The following CCDC85A variants were observed in gnomAD, a reference collection of about 807,000 sequenced individuals.
CCDC85A encodes the protein coiled-coil domain containing 85A.
CCDC85A carries 38 observed loss-of-function variants against 50.2 expected under a neutral mutation model. The observed-to-expected ratio is 0.76, with a 90% confidence interval of 0.58 to 0.99. CCDC85A has a LOEUF of 0.99. CCDC85A is among the 50% of genes least tolerant of loss of function. CCDC85A has a pLI of 0.00. For synonymous variants in CCDC85A, 366 were observed against 301.4 expected (o/e 1.21, Z -2.22); for missense variants, 820 against 742.0 (o/e 1.11, Z -1.22).
chr2:56,351,860 G>T (rs1437866125), intron 3 of CCDC85A, among the ~76,000 whole-genome samples: 2 of 152,090 alleles, frequency 1.3e-5, no homozygotes, highest in Non-Finnish European at 1.5e-5. Context: ...AGTTTAATTC[G>T]ATCCCATTTG....
chr2:56,262,999 A>C (rs780213931), intron 2 of CCDC85A, among the ~76,000 whole-genome samples: 1 of 152,188 alleles, frequency 6.6e-6, no homozygotes, highest in Non-Finnish European at 1.5e-5. Flanking sequence ...CACTTAAAGC[A>C]TTGATTAACA....
intron 2 of CCDC85A, among the ~76,000 whole-genome samples, chr2:56,226,355 C>G (rs1279344211): frequency 1.3e-5 from 2 of 152,124 alleles, no homozygotes; most frequent in East Asian, 3.9e-4. Flanking sequence ...AGTACAGTGC[C>G]TGGATCATAG....
chr2:56,329,520 C>T (rs1331263217), intron 2 of CCDC85A, among the ~76,000 whole-genome samples: 1 of 152,166 alleles, frequency 6.6e-6, no homozygotes, highest in Non-Finnish European at 1.5e-5. Context: ...AAAGTATGTG[C>T]TAATTTAGAT....
At chr2:56,310,264 G>T (rs949360773) in intron 2 of CCDC85A, among the ~76,000 whole-genome samples, 25 of 152,146 alleles carry the variant, frequency 1.6e-4, no homozygotes, top group African/African-American at 5.8e-4. Context: ...TGACAAGGGA[G>T]AAGTCTAGGT....
At chr2:56,219,736 A>C (rs774696406) in intron 2 of CCDC85A, among the ~76,000 whole-genome samples, 3 of 151,794 alleles carry the variant, frequency 2.0e-5, no homozygotes, top group Non-Finnish European at 4.4e-5. Context: ...TCTTAACTTC[A>C]CTTTGTCCCC....
intron 2 of CCDC85A, among the ~76,000 whole-genome samples, chr2:56,252,157 C>T (rs1455581622): frequency 6.6e-6 from 1 of 151,958 alleles, no homozygotes; most frequent in East Asian, 1.9e-4. Context: ...AGCGATTCTC[C>T]TGCCTCAGCC....
At position 56,221,832 on chromosome 2, in the gene CCDC85A, C is replaced by T. The variant is rs184598916; in HGVS notation, c.1240+28392C>T. On this transcript the variant is annotated intron_variant, in intron 2 of 5. Coordinates refer to ENST00000407595, the MANE Select transcript of CCDC85A (RefSeq NM_001080433.2). ...ACATGTGTTATCTTGTTTTCTGCTG[C>T]TATAATAGAATACCACAACAAAAAT... Among the ~76,000 whole-genome samples the T allele has an allele frequency of 1.1e-3, 173 of 152,100 alleles. 1 individual carries two copies. The highest frequency in any genetic ancestry group is 3.2e-4 in the Non-Finnish European group (22 of 67,974).
At chr2:56,310,333 A>G (rs886800179) in intron 2 of CCDC85A, among the ~76,000 whole-genome samples, 1 of 152,172 alleles carries the variant, frequency 6.6e-6, no homozygotes, top group African/African-American at 2.4e-5. Context: ...AGCTTAGGAT[A>G]CTGAGGAGGT....
At chr2:56,255,739 A>G (rs958815084) in intron 2 of CCDC85A, among the ~76,000 whole-genome samples, 1 of 152,086 alleles carries the variant, frequency 6.6e-6, no homozygotes, top group African/African-American at 2.4e-5. Flanking sequence ...TCTTAAAGTC[A>G]TGGGTTGGGG....
intron 2 of CCDC85A, among the ~76,000 whole-genome samples, chr2:56,283,514 C>A (rs781699269): frequency 5.3e-5 from 8 of 152,092 alleles, no homozygotes; most frequent in Non-Finnish European, 4.4e-5. Flanking sequence ...CTATTACTTT[C>A]ACCAGATTTG....
intron 3 of CCDC85A, among the ~76,000 whole-genome samples, chr2:56,367,985 A>AAAGTCATGCAGCTCAT (rs1553418706): frequency 1.6e-5 from 1 of 63,214 alleles, no homozygotes; most frequent in South Asian, 6.7e-4. Context: ...CATGCAGCTC[A>AAAGTCATGCAGCTCAT]TAAGTGTCAG....
intron 2 of CCDC85A, among the ~76,000 whole-genome samples, chr2:56,307,526 A>G (rs1672498797): frequency 6.6e-6 from 1 of 152,200 alleles, no homozygotes; most frequent in Admixed American, 6.6e-5. Context: ...ACACTGACAC[A>G]TGAAAACGGG....
intron 2 of CCDC85A, among the ~76,000 whole-genome samples, chr2:56,252,421 G>T (rs1477902467): frequency 2.0e-5 from 3 of 152,184 alleles, no homozygotes; most frequent in Non-Finnish European, 2.9e-5. Flanking sequence ...GCCTGCTTCT[G>T]TGGAGCTTAG....
At chr2:56,331,967 G>T (rs1327605225) in intron 2 of CCDC85A, among the ~76,000 whole-genome samples, 1 of 152,088 alleles carries the variant, frequency 6.6e-6, no homozygotes, top group South Asian at 2.1e-4. Flanking sequence ...CTGCTCTCTG[G>T]CGGTGCAGAG....
chr2:56,227,154 C>A (rs986756905), intron 2 of CCDC85A, among the ~76,000 whole-genome samples: 1 of 152,090 alleles, frequency 6.6e-6, no homozygotes, highest in Non-Finnish European at 1.5e-5. Context: ...CTTGTTGTTT[C>A]TAGTGTAAAA....
intron 3 of CCDC85A, among the ~76,000 whole-genome samples, chr2:56,361,436 A>C (rs891568592): frequency 6.6e-6 from 1 of 152,198 alleles, no homozygotes; most frequent in Non-Finnish European, 1.5e-5. Flanking sequence ...TGCAGCTTAC[A>C]TTTTAGTAGC....
intron 2 of CCDC85A, among the ~76,000 whole-genome samples, chr2:56,294,869 G>C (rs1671878191): frequency 1.3e-5 from 2 of 152,180 alleles, no homozygotes; most frequent in South Asian, 4.1e-4. Flanking sequence ...ACTAAGGCCG[G>C]TACCTCTAAT....
chr2:56,290,063 T>C (rs541654061), intron 2 of CCDC85A, among the ~76,000 whole-genome samples: 59 of 152,318 alleles, frequency 3.9e-4, no homozygotes, highest in African/African-American at 1.4e-3. Context: ...TTCTACAGTC[T>C]GCTGCTCTGC....
intron 2 of CCDC85A, among the ~76,000 whole-genome samples, chr2:56,233,076 G>A (rs1283646384): frequency 1.3e-5 from 2 of 152,104 alleles, no homozygotes; most frequent in Admixed American, 6.5e-5. Flanking sequence ...CTCTGCCTGG[G>A]AACCTCTTTG....
Sources: allele counts gnomAD v4.1 joint callset (sites outside exome capture counted in the v4.1 genomes callset), GRCh38; gene constraint gnomAD v4.1.1; transcripts MANE v1.5; gene names NCBI Gene and HGNC (gene_info 2026-07-23, HGNC 2026-07-21).